The following CNTN4 variants were observed in gnomAD, a reference collection of about 807,000 sequenced individuals.
The protein encoded by CNTN4 is contactin 4.
A neutral mutation model predicts 122.5 loss-of-function variants in CNTN4; 77 were observed. The ratio of observed to expected loss-of-function variants is 0.63; its 90% CI spans 0.52 to 0.76. CNTN4 has a LOEUF of 0.76. CNTN4 is among the 30% of genes least tolerant of loss of function. The pLI is 0.00. For missense variants in CNTN4, 1,256 were observed against 1,259.1 expected (o/e 1.00, Z 0.04); for synonymous variants, 512 against 447.0 (o/e 1.15, Z -1.83).
intron 13 of CNTN4, among the ~76,000 whole-genome samples, chr3:2,969,850 G>A (rs1692717778): frequency 6.6e-6 from 1 of 152,140 alleles, no homozygotes. Context: ...CCACATGGGA[G>A]CATGATGGTC....
chr3:2,206,411 A>G (rs2038344710), intron 2 of CNTN4, among the ~76,000 whole-genome samples: 1 of 152,138 alleles, frequency 6.6e-6, no homozygotes, highest in Admixed American at 6.6e-5. Context: ...ATTTCATTAT[A>G]AAACCTAAAA....
At chr3:2,942,670 A>G (rs986956639) in intron 13 of CNTN4, among the ~76,000 whole-genome samples, 2 of 152,180 alleles carry the variant, frequency 1.3e-5, no homozygotes, top group Admixed American at 6.5e-5. Context: ...ATTTCCCAAC[A>G]CGAGTTCTTG....
At chr3:2,347,853 CT>C (rs149954209) in intron 3 of CNTN4, among the ~76,000 whole-genome samples, 6 of 151,350 alleles carry the variant, frequency 4.0e-5, no homozygotes, top group East Asian at 1.9e-4. Flanking sequence ...TTTGGTTTAT[CT>C]TTTTTTTAAG....
chr3:2,617,836 G>A (rs1432257842), intron 4 of CNTN4, among the ~76,000 whole-genome samples: 1 of 152,118 alleles, frequency 6.6e-6, no homozygotes, highest in Non-Finnish European at 1.5e-5. Flanking sequence ...CTCTGTGCAA[G>A]ATGATGTCAT....
chr3:2,326,485 TACACACACACACACACAC>T (rs10557917), intron 2 of CNTN4, among the ~76,000 whole-genome samples: 4 of 125,972 alleles, frequency 3.2e-5, no homozygotes, highest in East Asian at 3.0e-4. Flanking sequence ...CTAATAAATT[TACACACACACACACACAC>T]ACACACACAC....
intron 4 of CNTN4, among the ~76,000 whole-genome samples, chr3:2,588,019 G>A (rs1487282899): frequency 6.6e-6 from 1 of 151,112 alleles, no homozygotes; most frequent in East Asian, 1.9e-4. Flanking sequence ...ATCTATTTTT[G>A]TCCAATCTCT....
At chr3:2,255,649 C>G (rs1427864218) in intron 2 of CNTN4, among the ~76,000 whole-genome samples, 1 of 152,174 alleles carries the variant, frequency 6.6e-6, no homozygotes, top group African/African-American at 2.4e-5. Context: ...CAAAACCGCA[C>G]AACTACATGG....
At chr3:2,743,176 G>A (rs775339926) in intron 5 of CNTN4, among the ~76,000 whole-genome samples, 3 of 152,084 alleles carry the variant, frequency 2.0e-5, no homozygotes, top group Admixed American at 2.0e-4. Context: ...ATTATGTTGC[G>A]ATTTCCTTTT....
intron 14 of CNTN4, among the ~76,000 whole-genome samples, chr3:3,022,982 C>A (rs371956855): frequency 1.4e-4 from 22 of 152,186 alleles, no homozygotes; most frequent in African/African-American, 4.8e-4. Context: ...CTCTTCAGAA[C>A]AGAAGTCATA....
intron 2 of CNTN4, among the ~76,000 whole-genome samples, chr3:2,287,744 A>G (rs184967880): frequency 0.017 from 2,090 of 126,020 alleles, 37 homozygotes; most frequent in Middle Eastern, 0.033. Flanking sequence ...AAGAAGAAGA[A>G]GAAGAAGAAG....
At chr3:2,634,145 A>G (rs1259986663) in intron 4 of CNTN4, among the ~76,000 whole-genome samples, 1 of 152,200 alleles carries the variant, frequency 6.6e-6, no homozygotes, top group Non-Finnish European at 1.5e-5. Flanking sequence ...TCACTACACA[A>G]ATGTATTAGC....
chr3:2,899,912 C>G (rs1239717624), intron 10 of CNTN4, among the ~76,000 whole-genome samples: 1 of 152,164 alleles, frequency 6.6e-6, no homozygotes, highest in Non-Finnish European at 1.5e-5. Flanking sequence ...TAAAATTGAT[C>G]TATACAACAT....
Position 2,916,609 on chromosome 3 carries a change from C to T in CNTN4, c.1208-9020C>T, listed in dbSNP as rs571526708. 5.6e-5 allele frequency among the ~76,000 whole-genome samples: 7 copies of T among 124,424 alleles called. 1 individual carries two copies. The South Asian group carries it at 2.0e-3, about 35-fold the overall frequency. 81.6% of individuals were successfully genotyped at this position (124,424 alleles called of 152,430 possible). ...TCTCCCATGTCTACTTCTTTCTACA[C>T]AGACACAGCAACAATCTGATTTCTC... On this transcript the variant is annotated intron_variant, in intron 12 of 24. Transcript: ENST00000418658.
chr3:2,393,649 T>C (rs890945918), intron 3 of CNTN4, among the ~76,000 whole-genome samples: 10 of 152,198 alleles, frequency 6.6e-5, no homozygotes, highest in African/African-American at 2.4e-4. Flanking sequence ...TATTACCTTC[T>C]TTTTTAAATT....
At chr3:2,943,544 C>CA (rs536170882) in intron 13 of CNTN4, among the ~76,000 whole-genome samples, 104 of 150,046 alleles carry the variant, frequency 6.9e-4, no homozygotes, top group Middle Eastern at 3.5e-3. Context: ...GTTATAGAGA[C>CA]ACAAATTTTA....
chr3:2,797,474 T>G (rs1452414103), intron 6 of CNTN4, among the ~76,000 whole-genome samples: 6 of 152,140 alleles, frequency 3.9e-5, no homozygotes, highest in Non-Finnish European at 7.3e-5. Context: ...GGTGGGCGCC[T>G]GTAATCCCAG....
At chr3:2,897,454 AT>A (rs1387863581) in intron 10 of CNTN4, among the ~76,000 whole-genome samples, 1 of 151,768 alleles carries the variant, frequency 6.6e-6, no homozygotes, top group East Asian at 1.9e-4. Context: ...AAAAAAAGAC[AT>A]TTAGAAATGG....
At chr3:2,631,060 T>C (rs2082409382) in intron 4 of CNTN4, among the ~76,000 whole-genome samples, 1 of 152,238 alleles carries the variant, frequency 6.6e-6, no homozygotes, top group South Asian at 2.1e-4. Context: ...ATCTCTCATC[T>C]GTTCTCCAGA....
chr3:3,013,616 T>G (rs778759666), intron 14 of CNTN4, among the ~76,000 whole-genome samples: 36 of 151,800 alleles, frequency 2.4e-4, no homozygotes, highest in Non-Finnish European at 3.7e-4. Flanking sequence ...TTGTAAAAAG[T>G]GTCAGGTCCT....
Sources: allele counts gnomAD v4.1 joint callset (sites outside exome capture counted in the v4.1 genomes callset), GRCh38; gene constraint gnomAD v4.1.1; transcripts MANE v1.5; gene names NCBI Gene and HGNC (gene_info 2026-07-23, HGNC 2026-07-21).